The following GRB14 variants were observed in gnomAD, a reference collection of about 807,000 sequenced individuals.
GRB14 encodes growth factor receptor-bound protein 14.
A neutral mutation model predicts 69.1 loss-of-function variants in GRB14; 38 were observed. That is an observed-to-expected ratio of 0.55 (90% CI 0.42 to 0.72). The LOEUF is 0.72. GRB14 is among the 30% of genes least tolerant of loss of function. GRB14 has a pLI of 0.00. For synonymous variants in GRB14, 247 were observed against 241.3 expected, an observed-to-expected ratio of 1.02 and a Z score of -0.22; for missense variants, 666 against 666.1, an observed-to-expected ratio of 1.00 and a Z score of 0.00.
chr2:164,565,769 G>C (rs1317108385), intron 2 of GRB14, among the ~76,000 whole-genome samples: 1 of 152,130 alleles, frequency 6.6e-6, no homozygotes, highest in Admixed American at 6.5e-5. Flanking sequence ...AATAGAATTT[G>C]GAAGTGAACA....
intron 8 of GRB14, among the ~76,000 whole-genome samples, chr2:164,502,782 T>C (rs1372877576): frequency 6.6e-6 from 1 of 152,126 alleles, no homozygotes; most frequent in Non-Finnish European, 1.5e-5. Flanking sequence ...AATGATTTAC[T>C]TTCCCTCTGG....
intron 2 of GRB14, among the ~76,000 whole-genome samples, chr2:164,584,950 T>C (rs1689499164): frequency 6.6e-6 from 1 of 151,150 alleles, no homozygotes; most frequent in African/African-American, 2.4e-5. Flanking sequence ...TTTGTTTTTG[T>C]GGTTTTTTTG....
rs762217333 is a variant in GRB14, at chr2:164,508,826, G to T, written c.843C>A (p.Ser281Arg). The T allele has an allele frequency of 3.2e-6, 5 of 1,571,270 alleles. No homozygotes were observed. Among genetic ancestry groups the T allele is most frequent in the East Asian group, 4.5e-5 (2 of 44,164 alleles). Reference protein sequence around the residue: ...SKEPRHLQFFSEFGNSDIYVS... With the variant: ...SKEPRHLQFFREFGNSDIYVS... Reference sequence around the variant, plus strand: ...CATAAATATCACTATTGCCAAATTCGCTGAAAAACTGCAAATGCCGCGGTT... The same window carrying T: ...CATAAATATCACTATTGCCAAATTCTCTGAAAAACTGCAAATGCCGCGGTT... The change falls in exon 7 of 14, where the codon AGC (serine) becomes AGA (arginine). Residue 281 changes from serine to arginine, a missense_variant. By Grantham distance (110) the Ser-to-Arg change is moderately radical (BLOSUM62 -1). Transcript: ENST00000263915.
At chr2:164,603,681 T>A (rs1249545590) in intron 2 of GRB14, among the ~76,000 whole-genome samples, 1 of 128,536 alleles carries the variant, frequency 7.8e-6, no homozygotes, top group African/African-American at 2.8e-5. Flanking sequence ...AATATATATA[T>A]ATTAACTCGA....
At chr2:164,543,328 T>G (rs983965947) in intron 3 of GRB14, among the ~76,000 whole-genome samples, 1 of 150,334 alleles carries the variant, frequency 6.7e-6, no homozygotes, top group South Asian at 2.1e-4. Flanking sequence ...AAGTGGTACA[T>G]ATAAATCATG....
intron 2 of GRB14, among the ~76,000 whole-genome samples, chr2:164,572,065 C>T (rs1460986512): frequency 6.6e-6 from 1 of 152,190 alleles, no homozygotes; most frequent in African/African-American, 2.4e-5. Flanking sequence ...CAACTCATGA[C>T]TCCTCTTTAC....
Position 164,621,367 on chromosome 2 carries a change from T to C in GRB14, c.-58A>G. 2 of 1,234,942 alleles carry C rather than the reference T, an allele frequency of 1.6e-6. No individual in the cohort carries two copies. The highest frequency in any genetic ancestry group is 2.0e-6 in the Non-Finnish European group (2 of 983,812). 76.5% of individuals were successfully genotyped at this position (1,234,942 alleles called of 1,614,324 possible). A position where few individuals can be genotyped will look rare whatever the true frequency, so the allele number is the denominator to read the frequency against. On this transcript the variant is annotated 5_prime_UTR_variant, in exon 1 of 14. Transcript: ENST00000263915. This position sits in a 1 kb window ranked among gnomAD's most constrained non-coding sequence, Gnocchi z 6.0. ...AGACTCGGCGCGTGGGGAGAAGGGG[T>C]TTGCGCGGCGGGAGGCGAGGTGCCG...
In GRB14 at chr2:164,573,229, C is replaced by T. The variant is rs142397147; in HGVS notation, c.325-25413G>A. Among the ~76,000 whole-genome samples the T allele has an allele frequency of 1.4e-4, 22 of 152,340 alleles. No individual in the cohort carries two copies. The East Asian group carries it at 2.1e-3, about 15-fold the overall frequency. On this transcript the variant is annotated intron_variant, in intron 2 of 13. Transcript: ENST00000263915. ...GTTAGGACTGAGTCTCTTAGTTTCTCTGCTTCTCCCAGAATACCTAGCAGA... is the reference window on the plus strand; with the variant it reads ...GTTAGGACTGAGTCTCTTAGTTTCTTTGCTTCTCCCAGAATACCTAGCAGA...
intron 8 of GRB14, among the ~76,000 whole-genome samples, chr2:164,502,979 G>A (rs1687095584): frequency 6.6e-6 from 1 of 151,990 alleles, no homozygotes; most frequent in Admixed American, 6.6e-5. Flanking sequence ...GAATTTCAGT[G>A]TCTTCACTTT....
intron 2 of GRB14, among the ~76,000 whole-genome samples, chr2:164,560,416 C>G (rs1688791946): frequency 6.6e-6 from 1 of 152,094 alleles, no homozygotes; most frequent in East Asian, 1.9e-4. Flanking sequence ...TCAGTTTGTG[C>G]AAATAGAGAA....
chr2:164,500,303 C>G (rs908400183), intron 9 of GRB14, among the ~76,000 whole-genome samples: 1 of 152,000 alleles, frequency 6.6e-6, no homozygotes, highest in African/African-American at 2.4e-5. Context: ...CTTTATATAG[C>G]TAAGATGTTC....
At chr2:164,592,425 T>C (rs747266967) in intron 2 of GRB14, among the ~76,000 whole-genome samples, 5 of 152,152 alleles carry the variant, frequency 3.3e-5, no homozygotes, top group Admixed American at 6.5e-5. Context: ...TGAGCCACCA[T>C]GCCCAGCGAG....
intron 2 of GRB14, among the ~76,000 whole-genome samples, chr2:164,571,586 A>T (rs1689123613): frequency 6.6e-6 from 1 of 152,146 alleles, no homozygotes; most frequent in Non-Finnish European, 1.5e-5. Context: ...TAGGAAAAAT[A>T]AAAATAACTA....
intron 3 of GRB14, among the ~76,000 whole-genome samples, chr2:164,535,232 A>AATAATGATAACTACATGT (rs1688050572): frequency 6.6e-6 from 1 of 152,206 alleles, no homozygotes; most frequent in Admixed American, 6.5e-5. Flanking sequence ...AATATTACCA[A>AATAATGATAACTACATGT]ATAATGATAA....
chr2:164,587,112 GCA>G (rs1220270578), intron 2 of GRB14, among the ~76,000 whole-genome samples: 1 of 152,242 alleles, frequency 6.6e-6, no homozygotes, highest in East Asian at 1.9e-4. Context: ...GAGAAAAACT[GCA>G]CAGTTTCCAG....
At chr2:164,525,173 C>T (rs1417122302) in intron 4 of GRB14, 95 bp from the exon 5 acceptor site, 2 of 829,016 alleles carry the variant, frequency 2.4e-6, no homozygotes, top group Non-Finnish European at 4.0e-6. Flanking sequence ...GTTCTTTAAA[C>T]TGGTGTGACT....
intron 2 of GRB14, among the ~76,000 whole-genome samples, chr2:164,609,603 A>T (rs1690120356): frequency 6.6e-6 from 1 of 152,184 alleles, no homozygotes; most frequent in African/African-American, 2.4e-5. Context: ...TAAATTACAT[A>T]AATTCAGTGC....
intron 8 of GRB14, among the ~76,000 whole-genome samples, chr2:164,507,146 C>T (rs1687212820): frequency 6.6e-6 from 1 of 152,068 alleles, no homozygotes; most frequent in South Asian, 2.1e-4. Flanking sequence ...TTCTTCTAAA[C>T]CTGGTATGAT....
chr2:164,496,878 A>G, intron 12 of GRB14, 130 bp downstream of exon 12: 1 of 694,016 alleles, frequency 1.4e-6, no homozygotes, highest in Non-Finnish European at 2.5e-6. Flanking sequence ...GACCTCATTT[A>G]TAGAACAATG....
Sources: allele counts gnomAD v4.1 joint callset (sites outside exome capture counted in the v4.1 genomes callset), GRCh38; gene constraint gnomAD v4.1.1; non-coding constraint Gnocchi (gnomAD v3.1); transcripts MANE v1.5; gene names NCBI Gene and HGNC (gene_info 2026-07-23, HGNC 2026-07-21).